Variants in AGMO observed in about 807,000 individuals in gnomAD.
AGMO encodes alkylglycerol monooxygenase.
AGMO carries 75 observed loss-of-function variants against 60.2 expected under a neutral mutation model. The ratio of observed to expected loss-of-function variants is 1.25; its 90% CI spans 1.03 to 1.51. The LOEUF (loss-of-function observed/expected upper bound fraction) is 1.51. Among genes scored for constraint, AGMO ranks in the 40% most tolerant of loss-of-function variants. AGMO has a pLI of 0.00. For synonymous variants in AGMO, 261 were observed against 177.1 expected (o/e 1.47, Z -3.76); for missense variants, 763 against 525.5 (o/e 1.45, Z -4.42).
At chr7:15,322,221 A>C (rs1249717739) in intron 12 of AGMO, among the ~76,000 whole-genome samples, 1 of 149,738 alleles carries the variant, frequency 6.7e-6, no homozygotes, top group Non-Finnish European at 1.5e-5. Context: ...TTAAAGATAA[A>C]TATATAATAT....
chr7:15,298,200 A>T (rs879238222), intron 12 of AGMO, among the ~76,000 whole-genome samples: 1 of 152,210 alleles, frequency 6.6e-6, no homozygotes, highest in East Asian at 1.9e-4. Flanking sequence ...AAGTTTCCTT[A>T]TAATTGTATT....
At chr7:15,251,770 G>T (rs2128506638) in intron 12 of AGMO, among the ~76,000 whole-genome samples, 1 of 152,258 alleles carries the variant, frequency 6.6e-6, no homozygotes. Context: ...GTGAGGCACG[G>T]GGGGCAAGTG....
At chr7:15,345,525 T>A (rs1029560099) in intron 12 of AGMO, among the ~76,000 whole-genome samples, 3 of 152,214 alleles carry the variant, frequency 2.0e-5, no homozygotes, top group Non-Finnish European at 4.4e-5. Context: ...AACATTGACA[T>A]AGCATTTTTC....
At chr7:15,274,529 TTTTTA>T (rs1783720990) in intron 12 of AGMO, among the ~76,000 whole-genome samples, 1 of 152,066 alleles carries the variant, frequency 6.6e-6, no homozygotes, top group Non-Finnish European at 1.5e-5. Context: ...TTGGTCTATG[TTTTTA>T]TTTTGTGTTG....
intron 2 of AGMO, among the ~76,000 whole-genome samples, chr7:15,554,519 C>T (rs1315430821): frequency 6.6e-6 from 1 of 151,970 alleles, no homozygotes; most frequent in Non-Finnish European, 1.5e-5. Context: ...TTCATGAATT[C>T]CCCCAAACAG....
intron 10 of AGMO, among the ~76,000 whole-genome samples, chr7:15,376,039 G>C (rs574323843): frequency 6.6e-6 from 1 of 151,988 alleles, no homozygotes; most frequent in African/African-American, 2.4e-5. Flanking sequence ...AATGTATTTA[G>C]GAAAATACAA....
At chr7:15,174,921 A>G in the AGMO span, among the ~76,000 whole-genome samples, 29 of 152,070 alleles carry the variant, frequency 1.9e-4, no homozygotes, top group African/African-American at 6.5e-4. Flanking sequence ...GCCAAACTTA[A>G]TTCTTTTCTT....
chr7:15,248,210 A>ATG (rs1782818306), intron 12 of AGMO, among the ~76,000 whole-genome samples: 1 of 96,834 alleles, frequency 1.0e-5, no homozygotes, highest in Non-Finnish European at 2.0e-5. Context: ...ATATATATAT[A>ATG]TATATATATA....
chr7:15,343,423 C>A (rs973614675), intron 12 of AGMO, among the ~76,000 whole-genome samples: 2 of 152,128 alleles, frequency 1.3e-5, no homozygotes, highest in Admixed American at 1.3e-4. Flanking sequence ...ATAAGGCAGA[C>A]AGCCCCAAAT....
chr7:15,435,018 C>T (rs1405656271), intron 3 of AGMO, among the ~76,000 whole-genome samples: 2 of 151,982 alleles, frequency 1.3e-5, no homozygotes, highest in East Asian at 1.9e-4. Context: ...TTGAAGATCC[C>T]TTCATTTTGC....
At chr7:15,228,444 G>C (rs535051847) in intron 12 of AGMO, among the ~76,000 whole-genome samples, 1 of 152,240 alleles carries the variant, frequency 6.6e-6, no homozygotes, top group South Asian at 2.1e-4. Context: ...GAGATGTATG[G>C]AAGGAGAAGT....
chr7:15,225,062 CTTTT>C (rs984379289), intron 12 of AGMO, among the ~76,000 whole-genome samples: 1 of 151,564 alleles, frequency 6.6e-6, no homozygotes, highest in South Asian at 2.1e-4. Flanking sequence ...TTCTTTCAGT[CTTTT>C]TTTTCTTTTT....
intron 10 of AGMO, among the ~76,000 whole-genome samples, chr7:15,369,104 T>C (rs965918840): frequency 6.6e-6 from 1 of 152,078 alleles, no homozygotes; most frequent in Non-Finnish European, 1.5e-5. Context: ...TTCTAATATA[T>C]CAAGAGATAT....
chr7:15,382,082 G>A (rs778968338), intron 10 of AGMO, among the ~76,000 whole-genome samples: 1 of 152,054 alleles, frequency 6.6e-6, no homozygotes, highest in African/African-American at 2.4e-5. Flanking sequence ...TTAATACCTA[G>A]ATGATAAAAT....
the AGMO span, among the ~76,000 whole-genome samples, chr7:15,164,555 G>T: frequency 6.6e-6 from 1 of 152,000 alleles, no homozygotes; most frequent in Admixed American, 6.6e-5. Context: ...CCCATTAAAA[G>T]GTAGGAAAGG....
intron 12 of AGMO, among the ~76,000 whole-genome samples, chr7:15,356,132 A>G (rs903710214): frequency 6.6e-6 from 1 of 152,216 alleles, no homozygotes; most frequent in Non-Finnish European, 1.5e-5. Context: ...ATCACTTGGA[A>G]AACAACTTGG....
intron 3 of AGMO, among the ~76,000 whole-genome samples, chr7:15,438,073 T>C (rs1232663512): frequency 6.6e-6 from 1 of 152,148 alleles, no homozygotes; most frequent in Non-Finnish European, 1.5e-5. Flanking sequence ...GACAATATTC[T>C]CAACATTTAA....
At position 15,561,918 on chromosome 7, in the gene AGMO, G is replaced by C; in HGVS notation, c.-73C>G. 3 of 1,480,938 alleles carry C rather than the reference G, an allele frequency of 2.0e-6. No homozygotes were observed. Among genetic ancestry groups the C allele is most frequent in the Non-Finnish European group, 2.7e-6 (3 of 1,099,138 alleles). The allele number at this position is 1,480,938 out of a possible 1,614,324, so 91.7% of individuals were successfully genotyped here. A position where few individuals can be genotyped will look rare whatever the true frequency, so the allele number is the denominator to read the frequency against. The stretch of plus-strand genomic sequence containing the variant: ...CTTGAAGCCTGAGGCTGAACAAAGA[G>C]GACGAGATGTGCAGCTCAGAACAAG... On this transcript the variant is annotated 5_prime_UTR_variant, in exon 1 of 13. Transcript: ENST00000342526.
At chr7:15,443,617 T>C (rs1040621587) in intron 3 of AGMO, among the ~76,000 whole-genome samples, 10 of 152,140 alleles carry the variant, frequency 6.6e-5, no homozygotes, top group Non-Finnish European at 8.8e-5. Context: ...GCCATATCTG[T>C]ATATGAGCTG....
Sources: allele counts gnomAD v4.1 joint callset (sites outside exome capture counted in the v4.1 genomes callset), GRCh38; gene constraint gnomAD v4.1.1; transcripts MANE v1.5; gene names NCBI Gene and HGNC (gene_info 2026-07-23, HGNC 2026-07-21).